Variants in PIK3C2G observed in about 807,000 individuals in gnomAD.
The protein encoded by PIK3C2G is phosphatidylinositol 3-kinase C2 domain-containing subunit gamma.
A neutral mutation model predicts 181.1 loss-of-function variants in PIK3C2G; 168 were observed. The observed-to-expected ratio is 0.93, with a 90% CI of 0.82 to 1.05. PIK3C2G has a LOEUF of 1.05. PIK3C2G is among the 50% of genes least tolerant of loss of function. The pLI, the probability that PIK3C2G is intolerant of heterozygous loss-of-function variation, is 0.00. For missense variants in PIK3C2G, 1,869 were observed against 1,732.8 expected (o/e 1.08, Z -1.40); for synonymous variants, 573 against 592.2 (o/e 0.97, Z 0.47).
intron 18 of PIK3C2G, among the ~76,000 whole-genome samples, chr12:18,473,350 T>A (rs114289237): frequency 6.6e-6 from 1 of 152,226 alleles, no homozygotes; most frequent in African/African-American, 2.4e-5. Flanking sequence ...TCCTCTCTGA[T>A]ACTGTGCAAA....
At chr12:18,664,015 C>T in the PIK3C2G span, among the ~76,000 whole-genome samples, 20 of 152,202 alleles carry the variant, frequency 1.3e-4, no homozygotes, top group African/African-American at 4.8e-4. Flanking sequence ...CATCACTAAT[C>T]ATTGAAAATG....
Position 18,637,415 on chromosome 12 carries a change from T to TTTA in PIK3C2G, c.4183-3014_4183-3013insTTA, listed in dbSNP as rs398018656. ...TGACCTAGATATTTTTTTTTTTTTT[T>TTTA]ACAAAAAAATGAAATAAGAATTTGT... On this transcript the variant is annotated intron_variant, in intron 31 of 32. Transcript: ENST00000538779. Among the ~76,000 whole-genome samples the TTTA allele has an allele frequency of 7.9e-5, 12 of 151,286 alleles. No homozygotes were observed. The South Asian group carries it at 1.5e-3, about 19-fold the overall frequency.
At chr12:18,487,084 C>T (rs918163189) in intron 18 of PIK3C2G, among the ~76,000 whole-genome samples, 5 of 121,922 alleles carry the variant, frequency 4.1e-5, no homozygotes, top group East Asian at 2.7e-4. Flanking sequence ...ATCTTTAGTC[C>T]CTTGAGGTAT....
At chr12:18,691,499 T>C in the PIK3C2G span, among the ~76,000 whole-genome samples, 1 of 152,096 alleles carries the variant, frequency 6.6e-6, no homozygotes, top group Non-Finnish European at 1.5e-5. Flanking sequence ...AGACTTTAGT[T>C]AACATAAATA....
At chr12:18,629,503 G>A (rs887383297) in intron 31 of PIK3C2G, among the ~76,000 whole-genome samples, 1 of 152,176 alleles carries the variant, frequency 6.6e-6, no homozygotes, top group African/African-American at 2.4e-5. Context: ...GTCTCTAAAA[G>A]AAAGTGAGGA....
At chr12:18,400,765 G>A (rs1439939540) in intron 16 of PIK3C2G, among the ~76,000 whole-genome samples, 4 of 152,014 alleles carry the variant, frequency 2.6e-5, no homozygotes, top group Admixed American at 2.0e-4. Flanking sequence ...ACCCAAGCTC[G>A]AAATTTACAT....
intron 25 of PIK3C2G, among the ~76,000 whole-genome samples, chr12:18,540,266 G>A (rs1484017702): frequency 6.6e-6 from 1 of 151,818 alleles, no homozygotes; most frequent in Admixed American, 6.6e-5. Context: ...ATTTCTAAAT[G>A]CCTATAATGA....
chr12:18,290,231 T>G (rs1949631731), intron 3 of PIK3C2G, among the ~76,000 whole-genome samples: 1 of 152,284 alleles, frequency 6.6e-6, no homozygotes, highest in Non-Finnish European at 1.5e-5. Context: ...GGATTCAAAG[T>G]CAAGGCTTCT....
chr12:18,721,942 A>G, the PIK3C2G span, among the ~76,000 whole-genome samples: 12 of 152,156 alleles, frequency 7.9e-5, no homozygotes, highest in South Asian at 1.7e-3. Flanking sequence ...ATTGTGGCCT[A>G]TAAGAACCTA....
At chr12:18,657,953 C>A in the PIK3C2G span, among the ~76,000 whole-genome samples, 1 of 151,842 alleles carries the variant, frequency 6.6e-6, no homozygotes, top group African/African-American at 2.4e-5. Context: ...TGAAGAGAAC[C>A]ACTAGAATAA....
At chr12:18,523,738 C>T (rs892192026) in intron 24 of PIK3C2G, among the ~76,000 whole-genome samples, 1 of 152,190 alleles carries the variant, frequency 6.6e-6, no homozygotes, top group Non-Finnish European at 1.5e-5. Flanking sequence ...TGTGGATAAT[C>T]ACTGATCTGC....
At chr12:18,330,092 T>C (rs1937771555) in intron 8 of PIK3C2G, among the ~76,000 whole-genome samples, 1 of 152,134 alleles carries the variant, frequency 6.6e-6, no homozygotes, top group Non-Finnish European at 1.5e-5. Flanking sequence ...GTTATGTGTA[T>C]TGTAAATGTC....
chr12:18,425,010 G>T, intron 18 of PIK3C2G: 1 of 175,692 alleles, frequency 5.7e-6, no homozygotes, highest in South Asian at 1.4e-4. Context: ...AAAGATGAGG[G>T]GGAGGAGAAA....
chr12:18,312,529 T>C (rs1410103613), intron 5 of PIK3C2G, among the ~76,000 whole-genome samples: 1 of 152,064 alleles, frequency 6.6e-6, no homozygotes, highest in Non-Finnish European at 1.5e-5. Flanking sequence ...CTTGATTACA[T>C]GTGATAGATT....
intron 30 of PIK3C2G, 99 bp downstream of exon 30, chr12:18,594,668 C>G: frequency 1.7e-6 from 1 of 586,184 alleles, no homozygotes; most frequent in Non-Finnish European, 2.9e-6. Context: ...ATTAAAATCT[C>G]TTTTTAAGAG....
chr12:18,693,986 C>T, the PIK3C2G span: 1 of 1,497,290 alleles, frequency 6.7e-7, no homozygotes, highest in African/African-American at 1.4e-5. Flanking sequence ...AGAAGCTGGT[C>T]TGATGGCCTT....
the PIK3C2G span, among the ~76,000 whole-genome samples, chr12:18,661,882 A>G: frequency 6.6e-6 from 1 of 152,160 alleles, no homozygotes; most frequent in African/African-American, 2.4e-5. Context: ...CATCAACAGT[A>G]GTACTGGATT....
At chr12:18,299,606 C>T (rs574913056) in intron 5 of PIK3C2G, among the ~76,000 whole-genome samples, 2 of 151,810 alleles carry the variant, frequency 1.3e-5, no homozygotes, top group African/African-American at 4.8e-5. Context: ...AGGTAGGCAA[C>T]CTTGTCTTGT....
intron 1 of PIK3C2G, among the ~76,000 whole-genome samples, chr12:18,271,682 C>G (rs1275898012): frequency 6.6e-6 from 1 of 152,110 alleles, no homozygotes; most frequent in Non-Finnish European, 1.5e-5. Flanking sequence ...CTGATTGTCT[C>G]TTATACTGAG....
Sources: allele counts gnomAD v4.1 joint callset (sites outside exome capture counted in the v4.1 genomes callset), GRCh38; gene constraint gnomAD v4.1.1; transcripts MANE v1.5; gene names NCBI Gene and HGNC (gene_info 2026-07-23, HGNC 2026-07-21).